Variants in ACE observed in about 807,000 individuals in gnomAD.
ACE encodes angiotensin I converting enzyme.
A neutral mutation model predicts 162.3 loss-of-function variants in ACE; 122 were observed. That is an observed-to-expected ratio of 0.75 (90% CI 0.65 to 0.87). The LOEUF (loss-of-function observed/expected upper bound fraction) is 0.87, where lower values mean the gene tolerates loss of function less well. Among genes scored for constraint, ACE ranks in the 40% least tolerant of loss-of-function variants. The probability of loss-of-function intolerance (pLI) is 0.00; values close to 1 mark genes in which losing one functional copy is unlikely to be tolerated. For missense variants in ACE, 1,799 were observed against 1,735.1 expected (o/e 1.04, Z -0.65); for synonymous variants, 796 against 720.6 (o/e 1.10, Z -1.68).
chr17:63,497,113 G>T (rs1454161732), intron 24 of ACE, 24 bp from the exon 25 acceptor site: 2 of 1,599,000 alleles, frequency 1.3e-6, no homozygotes, highest in South Asian at 1.1e-5. Flanking sequence ...CCCTGCCCAT[G>T]CTGTCTCCTT....
At chr17:63,485,500 GC>G in intron 13 of ACE, 128 bp downstream of exon 13, 1 of 1,389,218 alleles carries the variant, frequency 7.2e-7, no homozygotes, top group South Asian at 1.2e-5. Flanking sequence ...TCAATTTCGG[GC>G]CGGGCGCGGT....
At chr17:63,486,507 G>C (rs1211929893) in intron 13 of ACE, 50 bp from the exon 14 acceptor site, 15 of 1,609,118 alleles carry the variant, frequency 9.3e-6, no homozygotes, top group Non-Finnish European at 1.3e-5. Flanking sequence ...CCGCTCAGAG[G>C]CTGCTCTGGA....
Position 63,497,325 on chromosome 17 carries a change from G to T in ACE, c.3880G>T (p.Gly1294Trp). ...CCGCAGCCTCCACCGGCACTCCCACGGGCCCCAGTTCGGCTCCGAGGTGGA... is the reference window on the plus strand; with the variant it reads ...CCGCAGCCTCCACCGGCACTCCCACTGGCCCCAGTTCGGCTCCGAGGTGGA... ...RHRSLHRHSHGPQFGSEVELR... is the reference protein window; with the variant it reads ...RHRSLHRHSHWPQFGSEVELR... Residue 1294 changes from glycine (G) to tryptophan (W), a missense_variant, in exon 25 of 25, where the codon GGG becomes TGG. By Grantham distance (184) the Gly-to-Trp change is radical. Transcript: ENST00000290866. The T allele has an allele frequency of 1.9e-6, 3 of 1,548,932 alleles. No individual in the cohort carries two copies. The highest frequency in any genetic ancestry group is 2.4e-5 in the South Asian group (2 of 84,058).
intron 14 of ACE, 83 bp from the exon 15 acceptor site, chr17:63,486,903 C>T: frequency 1.3e-6 from 2 of 1,487,640 alleles, no homozygotes; most frequent in South Asian, 1.1e-5. Flanking sequence ...CACCTGCCAG[C>T]CCATGGGGCC....
At chr17:63,493,867 C>T in intron 20 of ACE, 55 bp from the exon 21 acceptor site, 1 of 1,613,636 alleles carries the variant, frequency 6.2e-7, no homozygotes, top group Non-Finnish European at 8.5e-7. Context: ...ACAGGCACAC[C>T]AGGGCCAAGC....
Position 63,481,147 on chromosome 17 carries a change from G to A in ACE, c.904G>A (p.Asp302Asn). The A allele has an allele frequency of 1.3e-6, 2 of 1,539,502 alleles. No individual in the cohort carries two copies. The highest frequency in any genetic ancestry group is 1.8e-6 in the Non-Finnish European group (2 of 1,134,738). ...CTACGACATGGTGGTGCCTTTCCCAGACAAGCCCAACCTCGATGTCACCAG... is the reference window on the plus strand; with the variant it reads ...CTACGACATGGTGGTGCCTTTCCCAAACAAGCCCAACCTCGATGTCACCAG... ...NIYDMVVPFP[D>N]KPNLDVTSTM... The change falls in exon 6 of 25, where the codon GAC becomes AAC. Residue 302 changes from aspartate to asparagine, a missense_variant. Physicochemically the swap from Asp to Asn is conservative, Grantham distance 23 (BLOSUM62 1). Transcript: ENST00000290866.
Position 63,484,571 on chromosome 17 carries a change from C to T in ACE, c.1921+30C>T. The T allele has an allele frequency of 6.3e-7, 1 of 1,593,902 alleles. No individual in the cohort carries two copies. The highest frequency in any genetic ancestry group is 1.1e-5 in the South Asian group (1 of 88,566). On this transcript the variant is annotated intron_variant, in intron 12 of 24. Transcript: ENST00000290866. This position sits in a 1 kb window ranked among gnomAD's most constrained non-coding sequence, Gnocchi z 4.0. ...AGCCCTGAGTGAGGATGGTGTGGGG[C>T]TAAGGTGGGTCCTCAACTCTGGGCT...
chr17:63,494,908 G>A lies in ACE; in HGVS notation c.3380+438G>A, dbSNP rs12720725. ...ACACTAAAATGTAGGATTGGAGATCGGTTAAGGTGGGAGGCAGGGTTGCTG... is the reference window on the plus strand; with the variant it reads ...ACACTAAAATGTAGGATTGGAGATCAGTTAAGGTGGGAGGCAGGGTTGCTG... On this transcript the variant is annotated intron_variant, in intron 22 of 24. Coordinates refer to ENST00000290866, the MANE Select transcript of ACE (RefSeq NM_000789.4). 8.8e-3 allele frequency among the ~76,000 whole-genome samples: 1,335 copies of A among 152,266 alleles called. 20 individuals are homozygous for A. The highest frequency in any genetic ancestry group is 0.03 in the African/African-American group (1,243 of 41,540).
chr17:63,477,279 T>A lies in ACE; in HGVS notation c.185T>A (p.Phe62Tyr). 1 of 1,457,076 alleles carries A rather than the reference T, an allele frequency of 6.9e-7. No homozygotes were observed. The highest frequency in any genetic ancestry group is 9.1e-7 in the Non-Finnish European group (1 of 1,100,286). The allele number at this position is 1,457,076 out of a possible 1,614,324, so 90.3% of individuals were successfully genotyped here. ...SYNSSAEQVL[F>Y]QSVAASWAHD... The stretch of plus-strand genomic sequence containing the variant: ...AACTCCAGCGCCGAACAGGTGCTGT[T>A]CCAGAGCGTGGCCGCCAGCTGGGCG... The change falls in exon 1 of 25, where the codon TTC becomes TAC. Residue 62 changes from phenylalanine to tyrosine, a missense_variant. Physicochemically the swap from Phe to Tyr is conservative, Grantham distance 22. Transcript: ENST00000290866.
chr17:63,486,240 T>C, intron 13 of ACE: 1 of 434,640 alleles, frequency 2.3e-6, no homozygotes, highest in Non-Finnish European at 4.3e-6. Context: ...TGATATTAAC[T>C]CTGAGGTTCA....
chr17:63,483,566 C>CGCG lies in ACE; in HGVS notation c.1586+10_1586+11insGGC. 6.3e-7 allele frequency: 1 copy of CGCG among 1,598,030 alleles called. No homozygotes were observed. Among genetic ancestry groups the CGCG allele is most frequent in the Non-Finnish European group, 8.6e-7 (1 of 1,168,484 alleles). On this transcript the variant is annotated intron_variant, in intron 10 of 24. Coordinates refer to ENST00000290866, the MANE Select transcript of ACE (RefSeq NM_000789.4). ...TGTGACACCATACATCAGGTATTAG[C>CGCG]GCCCCCACCCCACCCACCCCCAGTA...
In ACE at chr17:63,485,312, G is replaced by C. The variant is rs2029873572; in HGVS notation, c.1998G>C (p.Glu666Asp). 6.2e-7 allele frequency: 1 copy of C among 1,613,946 alleles called. No individual in the cohort carries two copies. The highest frequency in any genetic ancestry group is 1.3e-5 in the African/African-American group (1 of 74,878). ...GGACATCCCAGGTGGTGTGGAACGA[G>C]TATGCCGAGGCCAACTGGAACTACA... Reference protein sequence around the residue: ...YDRTSQVVWNEYAEANWNYNT... With the variant: ...YDRTSQVVWNDYAEANWNYNT... Residue 666 changes from glutamate to aspartate, a missense_variant, in exon 13 of 25, where the codon GAG becomes GAC. By Grantham distance (45) the Glu-to-Asp change is conservative. Coordinates refer to ENST00000290866, the MANE Select transcript of ACE (RefSeq NM_000789.4).
intron 2 of ACE, 42 bp from the exon 3 acceptor site, chr17:63,478,965 A>G: frequency 1.3e-6 from 2 of 1,549,614 alleles, no homozygotes; most frequent in Non-Finnish European, 1.8e-6. Context: ...CAGATGTCCC[A>G]GGGGCTGGTC....
chr17:63,478,004 T>A lies in ACE; in HGVS notation c.323T>A (p.Ile108Asn). 6.2e-7 allele frequency: 1 copy of A among 1,611,972 alleles called. No individual in the cohort carries two copies. Among genetic ancestry groups the A allele is most frequent in the Non-Finnish European group, 8.5e-7 (1 of 1,179,368 alleles). ...GQKAKELYEPIWQNFTDPQLR... is the reference protein window; with the variant it reads ...GQKAKELYEPNWQNFTDPQLR... ...AAGGCCAAGGAGCTGTATGAACCGA[T>A]CTGGCAGAACTTCACGGACCCGCAG... Residue 108 changes from isoleucine (I) to asparagine (N), a missense_variant, in exon 2 of 25, where the codon ATC (isoleucine) becomes AAC (asparagine). Ile to Asn is a moderately radical substitution (Grantham distance 149). Coordinates refer to ENST00000290866, the MANE Select transcript of ACE (RefSeq NM_000789.4).
chr17:63,483,594 G>A, intron 10 of ACE, 36 bp downstream of exon 10: 3 of 1,093,780 alleles, frequency 2.7e-6, no homozygotes, highest in East Asian at 1.1e-4. Context: ...CCCCAGTACT[G>A]TCACACCCTC....
At chr17:63,482,965 A>C (rs757091390) in intron 8 of ACE, 64 bp from the exon 9 acceptor site, 2 of 1,556,706 alleles carry the variant, frequency 1.3e-6, no homozygotes, top group African/African-American at 2.7e-5. Flanking sequence ...GCCAGCCCAC[A>C]CTCTTAGGGG....
At chr17:63,477,903 C>A (rs1213572048) in intron 1 of ACE, 28 bp from the exon 2 acceptor site, 1 of 1,596,864 alleles carries the variant, frequency 6.3e-7, no homozygotes, top group Non-Finnish European at 8.5e-7. Context: ...GGGTCCTACA[C>A]CCTCCCTGCC....
chr17:63,491,101 C>G lies in ACE; in HGVS notation c.2739+50C>G, dbSNP rs776828504. The G allele has an allele frequency of 2.7e-5, 43 of 1,610,324 alleles. No homozygotes were observed. The highest frequency in any genetic ancestry group is 1.5e-4 in the Admixed American group (9 of 59,998). On this transcript the variant is annotated intron_variant, in intron 18 of 24. Transcript: ENST00000290866. This position sits in a 1 kb window ranked among gnomAD's most constrained non-coding sequence, Gnocchi z 4.4. ...AGGCCCCGCCGGGATGGGAGGGACC[C>G]TCTGATTCAGGAGTTCCCTCCAGTT...
chr17:63,495,748 G>A (rs1380143671), intron 22 of ACE, among the ~76,000 whole-genome samples: 3 of 152,216 alleles, frequency 2.0e-5, no homozygotes, highest in Non-Finnish European at 4.4e-5. Flanking sequence ...AAGGAGACTT[G>A]GCTGCTCTAG....
Sources: gnomAD v4.1 joint callset for allele counts (sites outside exome capture counted in the v4.1 genomes callset) on GRCh38, gnomAD v4.1.1 for gene constraint, Gnocchi (gnomAD v3.1) non-coding constraint, MANE v1.5 for transcripts, NCBI Gene and HGNC (gene_info 2026-07-23, HGNC 2026-07-21) for gene names.